PEAK1: variants seen among roughly 807,000 people sequenced by gnomAD.
PEAK1 encodes pseudopodium enriched atypical kinase 1.
PEAK1 carries 54 observed loss-of-function variants against 124.7 expected under a neutral mutation model. The ratio of observed to expected loss-of-function variants is 0.43; its 90% CI spans 0.35 to 0.54. The LOEUF (loss-of-function observed/expected upper bound fraction) is 0.54, where lower values mean the gene tolerates loss of function less well. PEAK1 is among the 20% of genes least tolerant of loss of function. PEAK1 has a pLI of 0.01. For synonymous variants in PEAK1, 719 were observed against 760.0 expected (o/e 0.95, Z 0.89); for missense variants, 2,046 against 2,134.5 (o/e 0.96, Z 0.82).
At chr15:77,250,150 T>C (rs1005774345) in intron 6 of PEAK1, among the ~76,000 whole-genome samples, 2 of 142,300 alleles carry the variant, frequency 1.4e-5, no homozygotes, top group South Asian at 2.1e-4. Flanking sequence ...TTAAGATATA[T>C]ATATACATAT....
At chr15:77,164,676 CAATT>C (rs1478186186) in intron 7 of PEAK1, among the ~76,000 whole-genome samples, 1 of 152,084 alleles carries the variant, frequency 6.6e-6, no homozygotes, top group East Asian at 1.9e-4. Context: ...CAGAAAAGAT[CAATT>C]AATTTTGGAA....
Position 77,180,670 on chromosome 15 carries a change from GAGAGCA to G in PEAK1, c.1251_1256del (p.Ala418_Leu419del). The G allele has an allele frequency of 1.2e-6, 2 of 1,614,128 alleles. No homozygotes were observed. The highest frequency in any genetic ancestry group is 1.7e-6 in the Non-Finnish European group (2 of 1,180,012). ...TCTTGCCATCTTTCTCTTCTAATCG[GAGAGCA>G]AGGACTGCTTTGTGGGTCTCTGGAA... On this transcript the variant is annotated inframe_deletion, in exon 7 of 10. Transcript: ENST00000682557.
intron 5 of PEAK1, among the ~76,000 whole-genome samples, chr15:77,277,556 G>C (rs1368262241): frequency 1.3e-5 from 2 of 152,076 alleles, no homozygotes; most frequent in Non-Finnish European, 2.9e-5. Flanking sequence ...GTACTTCTCT[G>C]TACTATGTTT....
chr15:77,184,525 T>C (rs895450485), intron 6 of PEAK1, among the ~76,000 whole-genome samples: 1 of 152,214 alleles, frequency 6.6e-6, no homozygotes, highest in African/African-American at 2.4e-5. Context: ...CACAAAGGTT[T>C]ACAGCCAAAA....
chr15:77,104,066 C>A, downstream of PEAK1: 1 of 152,426 alleles, frequency 6.6e-6, no homozygotes, highest in Non-Finnish European at 1.5e-5. Flanking sequence ...AAAAACAAGC[C>A]AATAGACAAA....
chr15:77,320,404 T>C (rs1410780053), intron 2 of PEAK1, among the ~76,000 whole-genome samples: 1 of 152,164 alleles, frequency 6.6e-6, no homozygotes, highest in Non-Finnish European at 1.5e-5. Context: ...CAGTAGACCC[T>C]GGGGAAAAGT....
intron 2 of PEAK1, among the ~76,000 whole-genome samples, chr15:77,363,008 A>G (rs991029485): frequency 6.6e-6 from 1 of 151,950 alleles, no homozygotes; most frequent in Non-Finnish European, 1.5e-5. Context: ...GATGCTCACC[A>G]CCACACCCAG....
At chr15:77,162,793 T>C (rs1285714753) in intron 7 of PEAK1, among the ~76,000 whole-genome samples, 2 of 152,180 alleles carry the variant, frequency 1.3e-5, no homozygotes, top group African/African-American at 4.8e-5. Context: ...ATTTCCCCCA[T>C]TTCATCCATG....
Position 77,212,338 on chromosome 15 carries a change from A to G in PEAK1, c.-114-30298T>C, listed in dbSNP as rs16968706. Among the ~76,000 whole-genome samples, 764 of 152,332 alleles carry G rather than the reference A, an allele frequency of 5.0e-3. 5 individuals carry two copies. Among genetic ancestry groups the G allele is most frequent in the African/African-American group, 0.017 (711 of 41,562 alleles). On this transcript the variant is annotated intron_variant, in intron 6 of 9. Transcript: ENST00000682557. ...ATGACCTCTTTGGTATATTTGGTAT[A>G]GAACTGTTGGTCCAGTTAACTACTT... is the stretch of plus-strand genomic sequence containing the variant.
At position 77,207,203 on chromosome 15, in the gene PEAK1, G is replaced by A. The variant is rs367672496; in HGVS notation, c.-114-25163C>T. 2.4e-3 allele frequency among the ~76,000 whole-genome samples: 358 copies of A among 152,246 alleles called. 1 individual carries two copies. Among genetic ancestry groups the A allele is most frequent in the African/African-American group, 8.2e-3 (340 of 41,544 alleles). On this transcript the variant is annotated intron_variant, in intron 6 of 9. Transcript: ENST00000682557. Reference sequence around the variant, plus strand: ...GCATTACCATTCAGGACATAGGCATGGGCAAGGACTTCATGTCTAAAACAC... The same window carrying A: ...GCATTACCATTCAGGACATAGGCATAGGCAAGGACTTCATGTCTAAAACAC...
chr15:77,254,839 G>C (rs1168438849), intron 5 of PEAK1, among the ~76,000 whole-genome samples: 1 of 152,168 alleles, frequency 6.6e-6, no homozygotes, highest in Admixed American at 6.6e-5. Context: ...CAATAAAAAT[G>C]CAAGATCTCT....
At chr15:77,188,246 T>C (rs2057648604) in intron 6 of PEAK1, among the ~76,000 whole-genome samples, 1 of 152,234 alleles carries the variant, frequency 6.6e-6, no homozygotes, top group African/African-American at 2.4e-5. Flanking sequence ...CTTAATGAAA[T>C]CTCCAGAAGC....
At chr15:77,170,014 C>T (rs1479414739) in intron 7 of PEAK1, among the ~76,000 whole-genome samples, 1 of 152,082 alleles carries the variant, frequency 6.6e-6, no homozygotes, top group African/African-American at 2.4e-5. Flanking sequence ...ATAATAGGGT[C>T]ATCCGAATAT....
Position 77,367,542 on chromosome 15 carries a change from A to G in PEAK1, c.-665-2317T>C, listed in dbSNP as rs549241398. ...TTACTAAAGTGGATTTTAAAAGTAA[A>G]ATAAAAATGCTTAATGATAGGAAAA... is the stretch of plus-strand genomic sequence containing the variant. On this transcript the variant is annotated intron_variant, in intron 1 of 9. Transcript: ENST00000682557. Among the ~76,000 whole-genome samples the G allele has an allele frequency of 7.2e-4, 110 of 152,326 alleles. 3 individuals are homozygous for G. In the South Asian group the frequency reaches 0.011, roughly 15 times the overall value.
chr15:77,323,802 C>T (rs2065395462), intron 2 of PEAK1, among the ~76,000 whole-genome samples: 1 of 152,014 alleles, frequency 6.6e-6, no homozygotes, highest in Admixed American at 6.6e-5. Context: ...TCATATGGAA[C>T]CAAAAAAGAG....
At chr15:77,145,878 T>C (rs2054141659) in intron 8 of PEAK1, among the ~76,000 whole-genome samples, 1 of 152,202 alleles carries the variant, frequency 6.6e-6, no homozygotes, top group African/African-American at 2.4e-5. Context: ...AATACATTAG[T>C]ATTCCCAGCA....
Position 77,205,125 on chromosome 15 carries a change from G to A in PEAK1, c.-114-23085C>T, listed in dbSNP as rs370995766. Reference sequence around the variant, plus strand: ...ATATCTTATAACATGTCTTATCAGTGGTCACTATTTCTCTTCTTGTACAAT... The same window carrying A: ...ATATCTTATAACATGTCTTATCAGTAGTCACTATTTCTCTTCTTGTACAAT... On this transcript the variant is annotated intron_variant, in intron 6 of 9. Transcript: ENST00000682557. 23 of 271,270 alleles carry A rather than the reference G, an allele frequency of 8.5e-5. No homozygotes were observed. The East Asian group carries it at 2.0e-3, about 23-fold the overall frequency. 16.8% of individuals were successfully genotyped at this position (271,270 alleles called of 1,614,324 possible).
intron 1 of PEAK1, among the ~76,000 whole-genome samples, chr15:77,383,076 G>A (rs935883806): frequency 6.9e-5 from 10 of 145,434 alleles, no homozygotes; most frequent in African/African-American, 2.6e-4. Context: ...AGGCTGGAGC[G>A]TAAGTGGTAT....
intron 2 of PEAK1, among the ~76,000 whole-genome samples, chr15:77,300,336 T>C (rs929289651): frequency 7.2e-5 from 11 of 152,216 alleles, no homozygotes; most frequent in African/African-American, 2.7e-4. Flanking sequence ...AGGAGTACTG[T>C]TAGTAGGCAG....
Sources: gnomAD v4.1 joint callset for allele counts (sites outside exome capture counted in the v4.1 genomes callset) on GRCh38, gnomAD v4.1.1 for gene constraint, MANE v1.5 for transcripts, NCBI Gene and HGNC (gene_info 2026-07-23, HGNC 2026-07-21) for gene names.